Variants in RGPD1 observed in about 807,000 individuals in gnomAD.
RGPD1 encodes the protein RANBP2 like and GRIP domain containing 1.
In RGPD1, 7 loss-of-function variants were observed where a neutral mutation model predicts 40.6. The ratio of observed to expected loss-of-function variants is 0.17; its 90% CI spans 0.10 to 0.32. The LOEUF (loss-of-function observed/expected upper bound fraction) is 0.32, where lower values mean the gene tolerates loss of function less well. Among genes scored for constraint, RGPD1 ranks in the 10% least tolerant of loss-of-function variants. The pLI is 1.00. For missense variants in RGPD1, 50 were observed against 472.5 expected, an observed-to-expected ratio of 0.11 and a Z score of 8.29; for synonymous variants, 24 against 167.0, an observed-to-expected ratio of 0.14 and a Z score of 6.60.
intron 1 of RGPD1, among the ~76,000 whole-genome samples, chr2:86,928,528 G>T (rs1237630445): frequency 6.6e-6 from 1 of 152,082 alleles, no homozygotes; most frequent in Non-Finnish European, 1.5e-5. Context: ...ATAGTAAAAG[G>T]AACTGCTGTG....
rs1034464894 is a variant in RGPD1, at chr2:87,000,272, A to G, written c.5236+2514A>G. ...TTAAAGTTTTCAATACAACAATGATATTATCTCAAAATACTCAGCATGTCT... is the reference window on the plus strand; with the variant it reads ...TTAAAGTTTTCAATACAACAATGATGTTATCTCAAAATACTCAGCATGTCT... On this transcript the variant is annotated intron_variant, in intron 22 of 22. Coordinates refer to ENST00000641458, the MANE Select transcript of RGPD1 (RefSeq NM_001382344.1). Among the ~76,000 whole-genome samples, 12 of 136,914 alleles carry G rather than the reference A, an allele frequency of 8.8e-5. 1 individual carries two copies. The highest frequency in any genetic ancestry group is 2.0e-4 in the East Asian group (1 of 5,120). The allele number at this position is 136,914 out of a possible 152,430, so 89.8% of individuals were successfully genotyped here.
chr2:86,960,272 A>C lies in RGPD1; in HGVS notation c.779+1845A>C, dbSNP rs1680881807. 2.9e-5 allele frequency among the ~76,000 whole-genome samples: 2 copies of C among 69,972 alleles called. 1 individual carries two copies. Among genetic ancestry groups the C allele is most frequent in the South Asian group, 9.7e-4 (2 of 2,072 alleles). 45.9% of individuals were successfully genotyped at this position (69,972 alleles called of 152,430 possible). A position where few individuals can be genotyped will look rare whatever the true frequency, so the allele number is the denominator to read the frequency against. On this transcript the variant is annotated intron_variant, in intron 6 of 22. Transcript: ENST00000641458. ...TGACAGATGGTTTGTCAGATCAGTT[A>C]ATCAGGACTCATGGGCCCTTTGTTA...
At chr2:86,914,256 GCCT>G (rs1382431355) in intron 1 of RGPD1, among the ~76,000 whole-genome samples, 7 of 89,712 alleles carry the variant, frequency 7.8e-5, no homozygotes, top group African/African-American at 3.3e-4. Flanking sequence ...GGCGGCGGCG[GCCT>G]CGGCCTCGGC....
At chr2:86,988,479 AT>A (rs1558814429) in intron 20 of RGPD1, among the ~76,000 whole-genome samples, 1 of 87,684 alleles carries the variant, frequency 1.1e-5, no homozygotes, top group African/African-American at 4.0e-5. Flanking sequence ...AAAAAAAACC[AT>A]GATATTGAGA....
upstream of RGPD1, among the ~76,000 whole-genome samples, chr2:86,942,022 C>A (rs1159842384): frequency 6.6e-6 from 1 of 151,558 alleles, no homozygotes; most frequent in African/African-American, 2.4e-5. Flanking sequence ...GGCAAGACAC[C>A]CTCAGAGCAC....
At chr2:86,925,931 A>G (rs528822328) in intron 1 of RGPD1, among the ~76,000 whole-genome samples, 19 of 152,304 alleles carry the variant, frequency 1.2e-4, no homozygotes, top group African/African-American at 4.6e-4. Flanking sequence ...TAATTAAAAA[A>G]ATCCATTTAG....
rs1678826491 is a variant in RGPD1 at position 86,930,218 on chromosome 2, C to T, written c.72+16297C>T. On this transcript the variant is annotated intron_variant, in intron 1 of 22. Transcript: ENST00000398193. ...AGGGCACTCTGGTGGGAGGAAACACCTTCCACATTTGTTCCTTCAAAATGG... is the reference window on the plus strand; with the variant it reads ...AGGGCACTCTGGTGGGAGGAAACACTTTCCACATTTGTTCCTTCAAAATGG... 7 of 1,451,402 alleles carry T rather than the reference C, an allele frequency of 4.8e-6. No homozygotes were observed. The Admixed American group carries it at 1.2e-4, about 26-fold the overall frequency. The allele number at this position is 1,451,402 out of a possible 1,614,324, so 89.9% of individuals were successfully genotyped here. A position where few individuals can be genotyped will look rare whatever the true frequency, so the allele number is the denominator to read the frequency against.
chr2:86,914,085 C>T (rs866360694), intron 1 of RGPD1, among the ~76,000 whole-genome samples: 2 of 19,862 alleles, frequency 1.0e-4, no homozygotes, highest in South Asian at 1.8e-3. Context: ...CCTGGCCGGG[C>T]GGCGGCGGCG....
At chr2:86,954,882 A>G (rs1436582077) in intron 4 of RGPD1, among the ~76,000 whole-genome samples, 6 of 110,898 alleles carry the variant, frequency 5.4e-5, no homozygotes, top group Admixed American at 3.0e-4. Context: ...TAGTCATGCT[A>G]TTTACTTCTC....
At chr2:86,960,632 C>T (rs1680912248) in intron 6 of RGPD1, among the ~76,000 whole-genome samples, 1 of 128,374 alleles carries the variant, frequency 7.8e-6, no homozygotes, top group African/African-American at 3.8e-5. Context: ...CTCTGTTGCC[C>T]AGGCTGGAGT....
intron 1 of RGPD1, among the ~76,000 whole-genome samples, chr2:86,942,629 C>T (rs1054966077): frequency 2.2e-5 from 3 of 136,284 alleles, no homozygotes; most frequent in Non-Finnish European, 4.9e-5. Context: ...CTGGCGCGCT[C>T]TGTTGAGGCG....
chr2:86,962,560 C>T (rs1680997223), intron 6 of RGPD1, among the ~76,000 whole-genome samples: 1 of 117,384 alleles, frequency 8.5e-6, no homozygotes, highest in Non-Finnish European at 1.7e-5. Flanking sequence ...CTGTAATGAT[C>T]TATATAGTAA....
At chr2:86,914,225 T>G (rs1428077247) in intron 1 of RGPD1, among the ~76,000 whole-genome samples, 5 of 59,496 alleles carry the variant, frequency 8.4e-5, no homozygotes, top group Admixed American at 1.9e-4. Context: ...GGCGGCGGCC[T>G]CGGCCTGGCC....
rs1679851161 is a variant in RGPD1 at position 86,942,283 on chromosome 2, AG to A, written c.50del (p.Gly17AlafsTer10). 1 of 1,604,450 alleles carries A rather than the reference AG, an allele frequency of 6.2e-7. No homozygotes were observed. Among genetic ancestry groups the A allele is most frequent in the African/African-American group, 1.3e-5 (1 of 74,374 alleles). On this transcript the variant is annotated frameshift_variant, in exon 1 of 23. Transcript: ENST00000641458. LOFTEE classifies it high-confidence loss of function. ...GGGGAGCGGTACGTCGCCTCGGTGC[AG>A]GGCTCCGCCCCGTCGCCTGGAAAGG... ...AYGERYVASV[Q>X]GSAPSPGKKL... is the part of the protein sequence containing the mutation.
chr2:87,012,476 AT>A (rs1468351375), intron 22 of RGPD1, 36 bp from the exon 23 acceptor site: 75 of 2,060 alleles, frequency 0.036, no homozygotes, highest in Admixed American at 0.044. Context: ...AGTTTCATTG[AT>A]TTTTTTTTTT....
chr2:86,931,174 C>CGTAA (rs1294644913), intron 1 of RGPD1, among the ~76,000 whole-genome samples: 7 of 146,152 alleles, frequency 4.8e-5, no homozygotes, highest in Non-Finnish European at 7.5e-5. Context: ...CAGTTACTTA[C>CGTAA]ATCAATCTGC....
chr2:86,941,415 TCTCA>T (rs1228282388), upstream of RGPD1, among the ~76,000 whole-genome samples: 57 of 150,514 alleles, frequency 3.8e-4, no homozygotes, highest in African/African-American at 1.4e-3. Context: ...GAGACAAGTG[TCTCA>T]CTCTGGTGCC....
chr2:86,998,546 A>C (rs1681876731), intron 22 of RGPD1, among the ~76,000 whole-genome samples: 1 of 114,176 alleles, frequency 8.8e-6, no homozygotes, highest in Non-Finnish European at 1.9e-5. Flanking sequence ...AAAAAAAAAA[A>C]AAAAAAAAAA....
At chr2:86,997,113 G>T (rs1457049530) in intron 21 of RGPD1, among the ~76,000 whole-genome samples, 3 of 149,582 alleles carry the variant, frequency 2.0e-5, no homozygotes, top group Admixed American at 6.6e-5. Flanking sequence ...TTGGTAAGCT[G>T]CTGGACTGAC....
Sources: gnomAD v4.1 joint callset for allele counts (sites outside exome capture counted in the v4.1 genomes callset) on GRCh38, gnomAD v4.1.1 for gene constraint, MANE v1.5 for transcripts, NCBI Gene and HGNC (gene_info 2026-07-23, HGNC 2026-07-21) for gene names.